TTC7A: variants seen among roughly 807,000 people sequenced by gnomAD.
TTC7A encodes tetratricopeptide repeat domain 7A.
A neutral mutation model predicts 103.7 loss-of-function variants in TTC7A; 110 were observed. The observed-to-expected ratio is 1.06, with a 90% CI of 0.91 to 1.24. The LOEUF (loss-of-function observed/expected upper bound fraction) is 1.24. Ranked by LOEUF, TTC7A falls within the 50% of genes most tolerant of loss-of-function variation. The pLI, the probability that TTC7A is intolerant of heterozygous loss-of-function variation, is 0.00. For missense variants in TTC7A, 1,340 were observed against 1,116.3 expected (o/e 1.20, Z -2.86); for synonymous variants, 521 against 467.9 (o/e 1.11, Z -1.47).
rs539326095 is a variant in TTC7A, at chr2:47,051,743, C to T, written c.2018-3C>T. ...GCTCGGCTCGTGCCCTCTTGCTCTG[C>T]AGGCTCCCGGCGGGCTTCGTCCATC... On this transcript the variant is annotated splice_polypyrimidine_tract_variant and splice_region_variant and intron_variant, in intron 17 of 19. Transcript: ENST00000319190. 3.0e-5 allele frequency: 48 copies of T among 1,608,280 alleles called. No individual in the cohort carries two copies. In the South Asian group the frequency reaches 5.0e-4, roughly 17 times the overall value.
rs1459002674 is a variant in TTC7A, at chr2:47,007,990, G to C, written c.1287+1266G>C. On this transcript the variant is annotated intron_variant, in intron 10 of 19. Transcript: ENST00000319190. The surrounding 1 kb of genome is among the most constrained non-coding windows in gnomAD (Gnocchi z 4.9). ...GGCAAAGGAGACAATGTGGGCAACG[G>C]TGAAGGGGCTGGAAAAGACGAGCTG... 2.6e-5 allele frequency among the ~76,000 whole-genome samples: 4 copies of C among 152,224 alleles called. No homozygotes were observed. Among genetic ancestry groups the C allele is most frequent in the Non-Finnish European group, 5.9e-5 (4 of 68,042 alleles).
chr2:46,964,822 G>C (rs12712982), intron 3 of TTC7A, among the ~76,000 whole-genome samples: 104,330 of 152,082 alleles, frequency 0.69, 36,160 homozygotes, highest in East Asian at 0.74. Flanking sequence ...GAGAGTGACT[G>C]CCATTTCTCC....
intron 11 of TTC7A, among the ~76,000 whole-genome samples, chr2:47,021,195 C>T (rs1978744): frequency 0.38 from 57,738 of 152,084 alleles, 12,305 homozygotes; most frequent in East Asian, 0.53. Context: ...TTCTTGGAGG[C>T]ATGTGTGCCA....
At chr2:47,057,305 C>G (rs10191558) in intron 18 of TTC7A, among the ~76,000 whole-genome samples, 8,907 of 152,246 alleles carry the variant, frequency 0.059, 890 homozygotes, top group African/African-American at 0.2. Flanking sequence ...TCTGTGTCTT[C>G]TGGTTTCCTG....
intron 16 of TTC7A, among the ~76,000 whole-genome samples, chr2:47,048,742 G>A (rs1021750246): frequency 2.0e-5 from 3 of 152,002 alleles, no homozygotes; most frequent in Non-Finnish European, 4.4e-5. Flanking sequence ...AGCTGGGACT[G>A]CAGGCACCCA....
chr2:47,063,146 T>G (rs1422301407), intron 19 of TTC7A, among the ~76,000 whole-genome samples: 1 of 152,260 alleles, frequency 6.6e-6, no homozygotes, highest in African/African-American at 2.4e-5. Flanking sequence ...TCAGGACATC[T>G]GGGATCTAAT....
chr2:46,945,262 AT>A (rs944024309), intron 1 of TTC7A, among the ~76,000 whole-genome samples: 1 of 149,356 alleles, frequency 6.7e-6, no homozygotes, highest in Non-Finnish European at 1.5e-5. Flanking sequence ...CACCCAGTTA[AT>A]TTTTTTTTTA....
rs1685097795 is a variant in TTC7A, at chr2:47,074,895, G to A, written c.*972G>A. On this transcript the variant is annotated 3_prime_UTR_variant, in exon 20 of 20. Transcript: ENST00000319190. Reference sequence around the variant, plus strand: ...CTGTCTTCCGGGCCTGGGGGCTGTGGGTGTATGTCCTCCCTACTGGCTTCC... The same window carrying A: ...CTGTCTTCCGGGCCTGGGGGCTGTGAGTGTATGTCCTCCCTACTGGCTTCC... The A allele has an allele frequency of 1.3e-5, 2 of 152,236 alleles. No individual in the cohort carries two copies. The highest frequency in any genetic ancestry group is 4.1e-4 in the South Asian group (2 of 4,826). The allele number at this position is 152,236 out of a possible 1,614,324, so 9.4% of individuals were successfully genotyped here.
At chr2:46,930,723 C>T (rs1669654754) in intron 2 of TTC7A, among the ~76,000 whole-genome samples, 1 of 152,126 alleles carries the variant, frequency 6.6e-6, no homozygotes, top group Non-Finnish European at 1.5e-5. Context: ...TGGTCTCGAA[C>T]TCCTGACCTC....
rs759940756 is a variant in TTC7A at position 46,975,097 on chromosome 2, G to A, written c.642G>A (p.Leu214=). The A allele has an allele frequency of 2.5e-6, 4 of 1,613,512 alleles. No individual in the cohort carries two copies. The highest frequency in any genetic ancestry group is 3.4e-6 in the Non-Finnish European group (4 of 1,179,702). Residue 214 remains leucine (L), a synonymous_variant, in exon 4 of 20, where the codon TTG becomes TTA. Transcript: ENST00000319190. ...TCGCTCAGGTGTTCCTGCAGGAATT[G>A]GAGAAGGTGAGCTGGAAATAACACC... The part of the protein sequence containing the change: ...SWIAQVFLQE[L]EKTTNNSTSR...
chr2:47,013,151 A>T (rs1206161703), intron 11 of TTC7A, among the ~76,000 whole-genome samples: 1 of 152,188 alleles, frequency 6.6e-6, no homozygotes, highest in Non-Finnish European at 1.5e-5. Flanking sequence ...TCAGGGAGGC[A>T]TCATGGAGGA....
rs1268534672 is a variant in TTC7A at position 47,075,135 on chromosome 2, C to T, written c.*1212C>T. On this transcript the variant is annotated 3_prime_UTR_variant, in exon 20 of 20. Transcript: ENST00000319190. The stretch of plus-strand genomic sequence containing the variant: ...CGGAAGGAGTGGGCTGTTGGAGACC[C>T]CCCATCCATGGCACACTAGCTCAGC... The T allele has an allele frequency of 6.6e-6, 1 of 152,198 alleles. No individual in the cohort carries two copies. The highest frequency in any genetic ancestry group is 2.4e-5 in the African/African-American group (1 of 41,448). The allele number at this position is 152,198 out of a possible 1,614,324, so 9.4% of individuals were successfully genotyped here.
chr2:47,065,639 C>T (rs904870459), intron 19 of TTC7A: 1 of 152,202 alleles, frequency 6.6e-6, no homozygotes, highest in African/African-American at 2.4e-5. Flanking sequence ...TTCTCTGCTT[C>T]TTCTCAGTTG....
chr2:47,073,432 T>C (rs1337091254), intron 19 of TTC7A, among the ~76,000 whole-genome samples: 1 of 152,184 alleles, frequency 6.6e-6, no homozygotes, highest in East Asian at 1.9e-4. Context: ...GCCAGGTCTG[T>C]TGACTTGAAA....
intron 13 of TTC7A, 23 bp downstream of exon 13, chr2:47,023,488 C>T (rs754313560): frequency 1.9e-6 from 3 of 1,613,160 alleles, no homozygotes; most frequent in East Asian, 2.2e-5. Flanking sequence ...CCACCTGCAG[C>T]AGAGGCCCCT....
chr2:46,975,330 G>A (rs555185475), intron 4 of TTC7A, among the ~76,000 whole-genome samples: 3 of 152,154 alleles, frequency 2.0e-5, no homozygotes, highest in Non-Finnish European at 4.4e-5. Context: ...CATGCCATCC[G>A]CTAGGATGTT....
At chr2:46,982,238 G>A (rs190229915) in intron 5 of TTC7A, among the ~76,000 whole-genome samples, 3 of 152,300 alleles carry the variant, frequency 2.0e-5, no homozygotes, top group Admixed American at 6.5e-5. Flanking sequence ...GCCAGGCTTA[G>A]TGGCATGCAC....
intron 1 of TTC7A, among the ~76,000 whole-genome samples, chr2:46,942,558 T>G (rs1326743191): frequency 2.0e-5 from 3 of 152,168 alleles, no homozygotes; most frequent in Non-Finnish European, 4.4e-5. Context: ...ATAGTAATAG[T>G]CAACGCTTAC....
chr2:46,999,457 C>A (rs541557807), intron 8 of TTC7A: 551 of 984,772 alleles, frequency 5.6e-4, no homozygotes, highest in Non-Finnish European at 6.3e-4. Flanking sequence ...GTCTATCCAC[C>A]CACCATGTAT....
Sources: gnomAD v4.1 joint callset for allele counts (sites outside exome capture counted in the v4.1 genomes callset) on GRCh38, gnomAD v4.1.1 for gene constraint, Gnocchi (gnomAD v3.1) non-coding constraint, MANE v1.5 for transcripts, NCBI Gene and HGNC (gene_info 2026-07-23, HGNC 2026-07-21) for gene names.